The following DCHS2 variants were observed in gnomAD, a reference collection of about 807,000 sequenced individuals.
The protein encoded by DCHS2 is protocadherin-23.
Under a neutral mutation model 182.4 loss-of-function variants are expected in DCHS2, and 142 were observed. That is an observed-to-expected ratio of 0.78 (90% CI 0.68 to 0.89). The LOEUF is 0.89. Ranked by LOEUF, DCHS2 falls within the 40% of genes least tolerant of loss-of-function variation. The pLI is 0.00. For missense variants in DCHS2, 4,319 were observed against 4,198.6 expected, an observed-to-expected ratio of 1.03 and a Z score of -0.79; for synonymous variants, 1,740 against 1,663.3, an observed-to-expected ratio of 1.05 and a Z score of -1.12.
rs1480704234 is a variant in DCHS2 at position 154,239,151 on chromosome 4, G to A, written c.7492+19C>T. ...GAAACCCAAACCTATGAGCATTAAT[G>A]CAATTATAAATAACTCACCATTCTT... On this transcript the variant is annotated intron_variant, in intron 19 of 19. Transcript: ENST00000357232. 6.2e-7 allele frequency: 1 copy of A among 1,605,238 alleles called. No homozygotes were observed. Among genetic ancestry groups the A allele is most frequent in the East Asian group, 2.2e-5 (1 of 44,682 alleles).
intron 1 of DCHS2, among the ~76,000 whole-genome samples, chr4:154,388,558 G>A (rs376510653): frequency 2.7e-5 from 4 of 148,202 alleles, no homozygotes; most frequent in Admixed American, 6.8e-5. Flanking sequence ...GCAGTGGTGC[G>A]ATCTCGGCTG....
chr4:154,343,580 C>T, intron 3 of DCHS2: 1 of 1,534,116 alleles, frequency 6.5e-7, no homozygotes, highest in South Asian at 1.2e-5. Flanking sequence ...TTCCCTTAAA[C>T]CTCATGAACC....
intron 1 of DCHS2, among the ~76,000 whole-genome samples, chr4:154,400,779 C>T (rs1732138704): frequency 6.6e-6 from 1 of 152,160 alleles, no homozygotes; most frequent in Non-Finnish European, 1.5e-5. Flanking sequence ...ACGTTGCACA[C>T]ATTCGCTCTT....
chr4:154,478,929 A>C (rs1233552896), intron 1 of DCHS2, among the ~76,000 whole-genome samples: 3 of 152,242 alleles, frequency 2.0e-5, no homozygotes, highest in Non-Finnish European at 4.4e-5. Flanking sequence ...AATGTCCGGA[A>C]TACAAGGAAA....
At position 154,329,507 on chromosome 4, in the gene DCHS2, A is replaced by G; in HGVS notation, c.3918+16T>C. 6.2e-7 allele frequency: 1 copy of G among 1,606,858 alleles called. No homozygotes were observed. Among genetic ancestry groups the G allele is most frequent in the Non-Finnish European group, 8.5e-7 (1 of 1,174,608 alleles). Reference sequence around the variant, plus strand: ...CTTAAGATATTACAAATTCATTGCAAGGTTTCTTCACAAACCTTCACGTGT... The same window carrying G: ...CTTAAGATATTACAAATTCATTGCAGGGTTTCTTCACAAACCTTCACGTGT... On this transcript the variant is annotated intron_variant, in intron 6 of 19. Transcript: ENST00000357232.
At chr4:154,395,843 G>A (rs1383076358) in intron 1 of DCHS2, among the ~76,000 whole-genome samples, 3 of 152,202 alleles carry the variant, frequency 2.0e-5, no homozygotes, top group African/African-American at 7.2e-5. Flanking sequence ...ATGGTAATAA[G>A]AGTTGCTAAG....
intron 10 of DCHS2, among the ~76,000 whole-genome samples, chr4:154,311,449 G>T (rs1316170725): frequency 1.3e-5 from 2 of 151,302 alleles, no homozygotes; most frequent in African/African-American, 4.8e-5. Flanking sequence ...TGCCCAAGCT[G>T]GTCTTGAACT....
chr4:154,240,585 C>T lies in DCHS2; in HGVS notation c.7311G>A (p.Val2437=). Residue 2437 remains valine, a synonymous_variant, in exon 18 of 20, where the codon GTG becomes GTA. Transcript: ENST00000357232. ...HYTEGALVVR[V]LDVNDNPPVF... The stretch of plus-strand genomic sequence containing the variant: ...CTGGTGGATTATCATTGACATCCAG[C>T]ACACGGACTACAAGTGCTCCCTCTG... The T allele has an allele frequency of 1.2e-6, 2 of 1,613,836 alleles. No homozygotes were observed. The highest frequency in any genetic ancestry group is 8.5e-7 in the Non-Finnish European group (1 of 1,179,858).
At chr4:154,340,564 C>G (rs570940795) in intron 3 of DCHS2, among the ~76,000 whole-genome samples, 11 of 152,164 alleles carry the variant, frequency 7.2e-5, no homozygotes, top group African/African-American at 2.6e-4. Flanking sequence ...TTTGAGGTTC[C>G]CGATGATTTG....
intron 14 of DCHS2, among the ~76,000 whole-genome samples, chr4:154,268,911 G>A (rs1400689831): frequency 2.0e-5 from 3 of 152,134 alleles, no homozygotes; most frequent in Non-Finnish European, 4.4e-5. Flanking sequence ...GTGGCGGAGG[G>A]TCTGGATAGC....
chr4:154,395,929 A>G (rs1323071962), intron 1 of DCHS2, among the ~76,000 whole-genome samples: 3 of 152,242 alleles, frequency 2.0e-5, no homozygotes, highest in Non-Finnish European at 4.4e-5. Flanking sequence ...AAGATATTCA[A>G]TGTGCTTTCA....
At chr4:154,357,577 GC>G (rs1729933394) in intron 3 of DCHS2, among the ~76,000 whole-genome samples, 1 of 152,144 alleles carries the variant, frequency 6.6e-6, no homozygotes, top group Non-Finnish European at 1.5e-5. Flanking sequence ...TCCCCAGCAA[GC>G]TTTTGTCTCC....
At chr4:154,245,460 T>C (rs1370458866) in intron 16 of DCHS2, among the ~76,000 whole-genome samples, 1 of 152,168 alleles carries the variant, frequency 6.6e-6, no homozygotes, top group Non-Finnish European at 1.5e-5. Context: ...TCTTTGATTG[T>C]CTTAACAAGT....
intron 3 of DCHS2, among the ~76,000 whole-genome samples, chr4:154,348,202 T>C (rs929154386): frequency 6.6e-6 from 1 of 151,904 alleles, no homozygotes; most frequent in Non-Finnish European, 1.5e-5. Flanking sequence ...ACTGATCATT[T>C]GAGAGAATCA....
chr4:154,242,210 A>G (rs1215692827), intron 17 of DCHS2, among the ~76,000 whole-genome samples: 1 of 152,178 alleles, frequency 6.6e-6, no homozygotes, highest in African/African-American at 2.4e-5. Context: ...TTATTCTGGG[A>G]AAAATGATGG....
intron 1 of DCHS2, among the ~76,000 whole-genome samples, chr4:154,472,679 T>A (rs527850852): frequency 1.3e-5 from 2 of 152,122 alleles, no homozygotes; most frequent in Non-Finnish European, 2.9e-5. Context: ...GACGGAAGCA[T>A]AAAGACTTTG....
intron 1 of DCHS2, among the ~76,000 whole-genome samples, chr4:154,465,826 A>C (rs922457406): frequency 6.6e-6 from 1 of 152,154 alleles, no homozygotes; most frequent in African/African-American, 2.4e-5. Flanking sequence ...CTGGGCCTCA[A>C]AGTATTTTTG....
chr4:154,401,718 T>C (rs1560736539), intron 1 of DCHS2, among the ~76,000 whole-genome samples: 1 of 152,188 alleles, frequency 6.6e-6, no homozygotes, highest in African/African-American at 2.4e-5. Context: ...GGTGGCCAGG[T>C]GTGGTAGCTC....
Position 154,490,044 on chromosome 4 carries a change from G to C in DCHS2, c.1312C>G (p.Arg438Gly). 1 of 1,548,190 alleles carries C rather than the reference G, an allele frequency of 6.5e-7. No individual in the cohort carries two copies. Among genetic ancestry groups the C allele is most frequent in the Non-Finnish European group, 8.7e-7 (1 of 1,146,904 alleles). Reference protein sequence around the residue: ...EGARPGDYVARVSVSDADGDW... With the variant: ...EGARPGDYVAGVSVSDADGDW... ...CCGTCCGCGTCAGACACCGAGACGCGAGCCACGTAGTCGCCCGGTCGGGCG... is the reference window on the plus strand; with the variant it reads ...CCGTCCGCGTCAGACACCGAGACGCCAGCCACGTAGTCGCCCGGTCGGGCG... The change falls in exon 1 of 20, where the codon CGC (arginine) becomes GGC (glycine). Residue 438 changes from arginine (R) to glycine (G), a missense_variant. Arg to Gly is a moderately radical substitution (Grantham distance 125, BLOSUM62 -2). Transcript: ENST00000357232.
Sources: gnomAD v4.1 joint callset for allele counts (sites outside exome capture counted in the v4.1 genomes callset) on GRCh38, gnomAD v4.1.1 for gene constraint, MANE v1.5 for transcripts, NCBI Gene and HGNC (gene_info 2026-07-23, HGNC 2026-07-21) for gene names.